The following NBEAL1 variants were observed in gnomAD, a reference collection of about 807,000 sequenced individuals.
NBEAL1 encodes the protein neurobeachin like 1, also known as neurobeachin-like protein 1.
Under a neutral mutation model 351.3 loss-of-function variants are expected in NBEAL1, and 273 were observed. The observed-to-expected ratio is 0.78, with a 90% CI of 0.70 to 0.86. The LOEUF is 0.86. NBEAL1 is among the 40% of genes least tolerant of loss of function. The pLI is 0.00. For missense variants in NBEAL1, 2,961 were observed against 3,201.3 expected (o/e 0.92, Z 1.81); for synonymous variants, 1,050 against 1,086.4 (o/e 0.97, Z 0.66).
chr2:203,046,585 GC>G (rs1252147258), intron 3 of NBEAL1, among the ~76,000 whole-genome samples: 2 of 152,076 alleles, frequency 1.3e-5, no homozygotes, highest in Non-Finnish European at 2.9e-5. Flanking sequence ...TAAGACACCA[GC>G]AGATTTGGTG....
At chr2:203,104,924 A>T (rs1259731474) in intron 12 of NBEAL1, among the ~76,000 whole-genome samples, 1 of 151,016 alleles carries the variant, frequency 6.6e-6, no homozygotes, top group African/African-American at 2.4e-5. Context: ...CAGTGATGTA[A>T]TCCTGGCTCA....
intron 6 of NBEAL1, among the ~76,000 whole-genome samples, chr2:203,057,688 CTGA>C (rs772504999): frequency 5.3e-5 from 8 of 152,176 alleles, no homozygotes; most frequent in Non-Finnish European, 1.2e-4. Flanking sequence ...TACTAATAAT[CTGA>C]TAAGAAATGT....
Position 203,138,702 on chromosome 2 carries a change from T to A in NBEAL1, c.4802T>A (p.Ile1601Asn), listed in dbSNP as rs777786894. Reference protein sequence around the residue: ...ESPVWVKLSQIQIQLLLGFIG... With the variant: ...ESPVWVKLSQNQIQLLLGFIG... ...CCAGTATGGGTAAAACTCTCTCAAA[T>A]TCAGATCCAGTTGCTTCTAGGATTC... is the stretch of plus-strand genomic sequence containing the variant. Residue 1601 changes from isoleucine to asparagine, a missense_variant, in exon 31 of 56, where the codon ATT (isoleucine) becomes AAT (asparagine). Physicochemically the swap from Ile to Asn is moderately radical, Grantham distance 149. Coordinates refer to ENST00000683969, the MANE Select transcript of NBEAL1 (RefSeq NM_001378026.1). The A allele has an allele frequency of 1.2e-6, 2 of 1,613,318 alleles. No individual in the cohort carries two copies. Among genetic ancestry groups the A allele is most frequent in the Non-Finnish European group, 1.7e-6 (2 of 1,179,718 alleles).
In NBEAL1 at chr2:203,034,530, C is replaced by G. The variant is rs563909002; in HGVS notation, c.52-7235C>G. Reference sequence around the variant, plus strand: ...CTGGAGTGCAATGGCACAATCTCGGCTCACTGAAACCTCCACCTCCCATGT... The same window carrying G: ...CTGGAGTGCAATGGCACAATCTCGGGTCACTGAAACCTCCACCTCCCATGT... On this transcript the variant is annotated intron_variant, in intron 2 of 55. Transcript: ENST00000683969. 4.1e-3 allele frequency among the ~76,000 whole-genome samples: 591 copies of G among 144,002 alleles called. 51 individuals are homozygous for G. The highest frequency in any genetic ancestry group is 7.2e-3 in the Non-Finnish European group (468 of 64,558). 94.5% of individuals were successfully genotyped at this position (144,002 alleles called of 152,430 possible).
intron 7 of NBEAL1, among the ~76,000 whole-genome samples, chr2:203,072,399 C>CTTGT (rs370858792): frequency 2.7e-5 from 4 of 150,870 alleles, no homozygotes; most frequent in Non-Finnish European, 5.9e-5. Flanking sequence ...AACAAGCTTT[C>CTTGT]TTGTTTGTTT....
intron 20 of NBEAL1, 94 bp downstream of exon 20, chr2:203,125,614 CTT>C: frequency 8.8e-7 from 1 of 1,142,626 alleles, no homozygotes; most frequent in South Asian, 2.5e-5. Context: ...TAGGAAGAAA[CTT>C]AACCATTTGT....
intron 31 of NBEAL1, among the ~76,000 whole-genome samples, chr2:203,139,109 A>C (rs1315776625): frequency 6.6e-6 from 1 of 152,082 alleles, no homozygotes; most frequent in Admixed American, 6.5e-5. Context: ...TTATTTTTTA[A>C]ATTATTCCTT....
At chr2:203,206,987 C>T (rs1186485767) in intron 51 of NBEAL1, among the ~76,000 whole-genome samples, 9 of 151,840 alleles carry the variant, frequency 5.9e-5, no homozygotes, top group Non-Finnish European at 1.2e-4. Context: ...CGCCTCTTCC[C>T]GGCCGCCATC....
chr2:203,118,706 C>G (rs1452715518), intron 18 of NBEAL1, among the ~76,000 whole-genome samples: 1 of 152,036 alleles, frequency 6.6e-6, no homozygotes, highest in African/African-American at 2.4e-5. Flanking sequence ...ATTCTCTTGC[C>G]TCAGCCTCCC....
At chr2:203,056,128 G>T (rs551678255) in intron 4 of NBEAL1, among the ~76,000 whole-genome samples, 1 of 152,262 alleles carries the variant, frequency 6.6e-6, no homozygotes, top group South Asian at 2.1e-4. Flanking sequence ...CAAGATATTG[G>T]TGTTTATTTT....
Position 203,130,419 on chromosome 2 carries a change from G to C in NBEAL1, c.3507G>C (p.Leu1169=). 6.6e-7 allele frequency: 1 copy of C among 1,510,708 alleles called. No individual in the cohort carries two copies. The highest frequency in any genetic ancestry group is 8.8e-7 in the Non-Finnish European group (1 of 1,133,088). 93.6% of individuals were successfully genotyped at this position (1,510,708 alleles called of 1,614,324 possible). Residue 1169 remains leucine, a synonymous_variant, in exon 25 of 56, where the codon CTG becomes CTC. Coordinates refer to ENST00000683969, the MANE Select transcript of NBEAL1 (RefSeq NM_001378026.1). The part of the protein sequence containing the change: ...LLFEPGNADI[L]YALLLNQKYS... ...TTGAACCAGGAAATGCTGACATACT[G>C]TACGCATTGCTCTTAAATCAGAAGT...
intron 36 of NBEAL1, among the ~76,000 whole-genome samples, chr2:203,160,898 AC>A (rs951293842): frequency 1.3e-5 from 2 of 151,186 alleles, no homozygotes. Context: ...GTTGTGTTTA[AC>A]CCCCCCGATC....
chr2:203,171,821 C>CA (rs2064327780), intron 39 of NBEAL1, 107 bp from the exon 40 acceptor site: 2 of 412,910 alleles, frequency 4.8e-6, no homozygotes, highest in Admixed American at 1.2e-4. Context: ...CCCTGTTGTA[C>CA]CTTTTTTTTT....
chr2:203,108,555 C>G (rs571845476), intron 14 of NBEAL1, among the ~76,000 whole-genome samples: 3 of 151,966 alleles, frequency 2.0e-5, no homozygotes, highest in Non-Finnish European at 2.9e-5. Context: ...CCCGCCACCA[C>G]GCCCAGCTAA....
rs1205510747 is a variant in NBEAL1 at position 203,125,478 on chromosome 2, G to A, written c.2809G>A (p.Val937Ile). 6.5e-7 allele frequency: 1 copy of A among 1,539,290 alleles called. No homozygotes were observed. The highest frequency in any genetic ancestry group is 1.4e-5 in the African/African-American group (1 of 72,580). The change falls in exon 20 of 56, where the codon GTT (valine) becomes ATT (isoleucine). Residue 937 changes from valine to isoleucine, a missense_variant. By Grantham distance (29) the Val-to-Ile change is conservative. Transcript: ENST00000683969. The stretch of plus-strand genomic sequence containing the variant: ...CACAGTTCCTGAATCAGTAACACCT[G>A]TTGAAGGAGATTGGCTCGTATGGAC... The part of the protein sequence containing the change: ...ESTVPESVTP[V>I]EGDWLVWTST...
At chr2:203,069,253 T>A (rs925400472) in intron 7 of NBEAL1, among the ~76,000 whole-genome samples, 2 of 152,176 alleles carry the variant, frequency 1.3e-5, no homozygotes, top group Non-Finnish European at 2.9e-5. Context: ...CCCTGTGAAA[T>A]GAAAGAAGAC....
chr2:203,223,556 TGAA>T lies in NBEAL1; in HGVS notation c.*6206_*6208del, dbSNP rs1309817681. On this transcript the variant is annotated 3_prime_UTR_variant, in exon 56 of 56. Coordinates refer to ENST00000683969, the MANE Select transcript of NBEAL1 (RefSeq NM_001378026.1). The stretch of plus-strand genomic sequence containing the variant: ...TACAATGTAGCATTGTAATGTAAGA[TGAA>T]GAAAAATTAGGATTTAGGTGGGATT... Among the ~76,000 whole-genome samples the T allele has an allele frequency of 8.5e-5, 13 of 152,056 alleles. No individual in the cohort carries two copies. Among genetic ancestry groups the T allele is most frequent in the African/African-American group, 2.9e-4 (12 of 41,446 alleles).
chr2:203,207,164 G>A (rs1354885607), intron 51 of NBEAL1, among the ~76,000 whole-genome samples: 5 of 151,372 alleles, frequency 3.3e-5, no homozygotes, highest in African/African-American at 1.2e-4. Flanking sequence ...TCTGAGAAGT[G>A]AGGAGCCCCT....
At chr2:203,110,706 TAA>T (rs1242971794) in intron 15 of NBEAL1, among the ~76,000 whole-genome samples, 10 of 147,348 alleles carry the variant, frequency 6.8e-5, no homozygotes, top group African/African-American at 2.5e-4. Context: ...AATAAATAAA[TAA>T]ATAAATATAT....
Sources: gnomAD v4.1 joint callset for allele counts (sites outside exome capture counted in the v4.1 genomes callset) on GRCh38, gnomAD v4.1.1 for gene constraint, MANE v1.5 for transcripts, NCBI Gene and HGNC (gene_info 2026-07-23, HGNC 2026-07-21) for gene names.